The following CASK variants were observed in gnomAD, a reference collection of about 807,000 sequenced individuals.
CASK encodes the protein peripheral plasma membrane protein CASK.
In CASK, 4 loss-of-function variants were observed where a neutral mutation model predicts 82.9. The ratio of observed to expected loss-of-function variants is 0.05; its 90% CI spans 0.02 to 0.11. The LOEUF (loss-of-function observed/expected upper bound fraction) is 0.11, where lower values mean the gene tolerates loss of function less well. Ranked by LOEUF, CASK falls within the 10% of genes least tolerant of loss-of-function variation. CASK has a pLI of 1.00. For missense variants in CASK, 358 were observed against 720.9 expected (o/e 0.50, Z 5.76); for synonymous variants, 259 against 253.5 (o/e 1.02, Z -0.20).
intron 3 of CASK, among the ~76,000 whole-genome samples, chrX:41,746,075 T>C (rs2068682066): frequency 8.9e-6 from 1 of 112,235 alleles, no homozygotes; most frequent in Admixed American, 9.5e-5. Flanking sequence ...ATAAAATTTA[T>C]TTTTGTTTAC....
intron 21 of CASK, among the ~76,000 whole-genome samples, chrX:41,547,281 T>C (rs749691290): frequency 8.9e-6 from 1 of 111,938 alleles, no homozygotes; most frequent in Admixed American, 9.5e-5. Flanking sequence ...AATCCAAGAG[T>C]ACAGTTTTCT....
intron 8 of CASK, among the ~76,000 whole-genome samples, chrX:41,643,236 T>G (rs1315182184): frequency 8.9e-6 from 1 of 111,945 alleles, no homozygotes; most frequent in Non-Finnish European, 1.9e-5. Context: ...TTGCTTAGGA[T>G]TGATTGTCTT....
chrX:41,620,789 C>T (rs1449971777), intron 11 of CASK, among the ~76,000 whole-genome samples: 1 of 112,028 alleles, frequency 8.9e-6, no homozygotes, highest in Non-Finnish European at 1.9e-5. Flanking sequence ...TGTGCCATAT[C>T]CAACTCAAGT....
chrX:41,682,754 A>G (rs1295379286), intron 5 of CASK, among the ~76,000 whole-genome samples: 9 of 108,584 alleles, frequency 8.3e-5, no homozygotes, highest in African/African-American at 3.0e-4. Flanking sequence ...TGGCACTACA[A>G]GTGTGTGCCA....
At chrX:41,912,500 G>A (rs1298210224) in intron 1 of CASK, among the ~76,000 whole-genome samples, 11 of 107,602 alleles carry the variant, frequency 1.0e-4, no homozygotes, top group African/African-American at 3.7e-4. Context: ...TAGAGACGGG[G>A]CTTCACCACG....
At chrX:41,558,343 C>T (rs1429615892) in intron 18 of CASK, 2 of 108,735 alleles carry the variant, frequency 1.8e-5, no homozygotes, top group Non-Finnish European at 3.8e-5. Flanking sequence ...TACTCAAGAA[C>T]ATAGAATTTA....
intron 2 of CASK, among the ~76,000 whole-genome samples, chrX:41,794,636 C>A (rs1326902005): frequency 8.9e-6 from 1 of 111,907 alleles, no homozygotes; most frequent in Admixed American, 9.5e-5. Flanking sequence ...CATGTTAGAG[C>A]CCGAAGGAAC....
intron 12 of CASK, 85 bp downstream of exon 12, chrX:41,609,819 A>T: frequency 9.6e-7 from 1 of 1,042,456 alleles, no homozygotes; most frequent in Non-Finnish European, 1.3e-6. Context: ...TGCCTCCCAA[A>T]GTGCTTGGAC....
In CASK at chrX:41,515,951, G is replaced by A. The variant is rs1467207528; in HGVS notation, c.*4469C>T. The A allele has an allele frequency of 8.9e-6, 1 of 112,561 alleles. No individual in the cohort carries two copies. The highest frequency in any genetic ancestry group is 1.9e-5 in the Non-Finnish European group (1 of 53,321). 9.3% of individuals were successfully genotyped at this position (112,561 alleles called of 1,213,427 possible). A position where few individuals can be genotyped will look rare whatever the true frequency, so the allele number is the denominator to read the frequency against. On this transcript the variant is annotated 3_prime_UTR_variant, in exon 27 of 27. Coordinates refer to ENST00000378163, the MANE Select transcript of CASK (RefSeq NM_001367721.1). ...GGCCAGAAAGGAGGTCTCCTGTGTG[G>A]TGACAAACATCTCTTTCCATTTTCT...
chrX:41,867,706 G>A (rs894370953), intron 1 of CASK, among the ~76,000 whole-genome samples: 1 of 111,771 alleles, frequency 8.9e-6, no homozygotes, highest in Non-Finnish European at 1.9e-5. Flanking sequence ...TAAACTTGAG[G>A]CATTTTACAA....
intron 5 of CASK, among the ~76,000 whole-genome samples, chrX:41,708,976 G>A (rs2067929122): frequency 9.0e-6 from 1 of 111,462 alleles, no homozygotes; most frequent in Non-Finnish European, 1.9e-5. Context: ...TTTGATAGAG[G>A]AAAGGGAAGA....
At chrX:41,524,324 T>G (rs1400304986) in intron 25 of CASK, 1 of 278,099 alleles carries the variant, frequency 3.6e-6, no homozygotes, top group African/African-American at 2.7e-5. Flanking sequence ...TTATGTTGGT[T>G]AATGTTCATT....
intron 7 of CASK, among the ~76,000 whole-genome samples, chrX:41,662,372 A>T (rs778243115): frequency 3.6e-5 from 4 of 111,733 alleles, no homozygotes; most frequent in Non-Finnish European, 7.5e-5. Context: ...TCACATTTGC[A>T]ACTGCTGGAG....
chrX:41,616,266 G>C (rs181224639), intron 11 of CASK, among the ~76,000 whole-genome samples: 1 of 111,733 alleles, frequency 8.9e-6, no homozygotes, highest in African/African-American at 3.3e-5. Context: ...AAGTACTTAA[G>C]GAAACACTAA....
intron 12 of CASK, among the ~76,000 whole-genome samples, chrX:41,607,444 T>C (rs2065978445): frequency 8.9e-6 from 1 of 112,252 alleles, no homozygotes. Context: ...CTGACCACAA[T>C]AAAATAAACA....
At chrX:41,548,519 T>C (rs60876322) in intron 21 of CASK, among the ~76,000 whole-genome samples, 2,295 of 112,005 alleles carry the variant, frequency 0.02, 53 homozygotes, top group African/African-American at 0.071. Flanking sequence ...CTGAAGTTTT[T>C]ATGTATTTAT....
chrX:41,917,268 C>T lies in CASK; in HGVS notation c.59+5662G>A, dbSNP rs778972388. 3.2e-4 allele frequency among the ~76,000 whole-genome samples: 36 copies of T among 111,974 alleles called. 1 individual carries two copies. Among genetic ancestry groups the T allele is most frequent in the Non-Finnish European group, 6.4e-4 (34 of 53,180 alleles). On this transcript the variant is annotated intron_variant, in intron 1 of 26. Transcript: ENST00000378163. ...ATCACCCCCTCTGAATCTCAGTGTT[C>T]TCTGTAAAATGGGTATGATTAAATA...
At chrX:41,678,997 A>T (rs2067310245) in intron 5 of CASK, among the ~76,000 whole-genome samples, 1 of 109,820 alleles carries the variant, frequency 9.1e-6, no homozygotes, top group Non-Finnish European at 1.9e-5. Context: ...TTGAGGTAGG[A>T]GGATCACTGG....
intron 1 of CASK, among the ~76,000 whole-genome samples, chrX:41,901,918 C>A (rs893111759): frequency 3.6e-5 from 4 of 111,592 alleles, no homozygotes; most frequent in African/African-American, 1.3e-4. Context: ...GATTCAAGGA[C>A]GCAGGCTTGG....
Sources: allele counts gnomAD v4.1 joint callset (sites outside exome capture counted in the v4.1 genomes callset), GRCh38; gene constraint gnomAD v4.1.1; transcripts MANE v1.5; gene names NCBI Gene and HGNC (gene_info 2026-07-23, HGNC 2026-07-21).